Variants in KCNJ6 observed in about 807,000 individuals in gnomAD.
KCNJ6 encodes potassium inwardly rectifying channel subfamily J member 6.
A neutral mutation model predicts 34.2 loss-of-function variants in KCNJ6; 9 were observed. The ratio of observed to expected loss-of-function variants is 0.26; its 90% CI spans 0.16 to 0.46. The LOEUF is 0.46. KCNJ6 is among the 20% of genes least tolerant of loss of function. The probability of loss-of-function intolerance (pLI) is 1.00; values close to 1 mark genes in which losing one functional copy is unlikely to be tolerated. For synonymous variants in KCNJ6, 196 were observed against 207.1 expected, an observed-to-expected ratio of 0.95 and a Z score of 0.46; for missense variants, 236 against 531.3, an observed-to-expected ratio of 0.44 and a Z score of 5.46.
At chr21:37,699,681 G>C (rs569960343) in intron 3 of KCNJ6, among the ~76,000 whole-genome samples, 9 of 152,322 alleles carry the variant, frequency 5.9e-5, no homozygotes, top group African/African-American at 2.2e-4. Context: ...ACTTTAAAAA[G>C]GGGCACAGGG....
intron 2 of KCNJ6, among the ~76,000 whole-genome samples, chr21:37,763,983 G>T (rs1035705735): frequency 6.6e-6 from 1 of 152,108 alleles, no homozygotes; most frequent in African/African-American, 2.4e-5. Context: ...TTTTACCCCT[G>T]ACTCATCTCA....
intron 3 of KCNJ6, among the ~76,000 whole-genome samples, chr21:37,711,882 G>GT (rs1313727341): frequency 1.3e-5 from 2 of 151,954 alleles, no homozygotes; most frequent in Admixed American, 6.6e-5. Flanking sequence ...TGGGGTGAGC[G>GT]TTTGGATTGA....
At chr21:37,827,692 A>G (rs1246390370) in intron 2 of KCNJ6, among the ~76,000 whole-genome samples, 1 of 152,162 alleles carries the variant, frequency 6.6e-6, no homozygotes, top group Non-Finnish European at 1.5e-5. Context: ...AGTGCCTGAT[A>G]TGGGACAGTT....
intron 1 of KCNJ6, among the ~76,000 whole-genome samples, chr21:37,914,037 G>GTC (rs2055881126): frequency 6.6e-6 from 1 of 151,326 alleles, no homozygotes; most frequent in African/African-American, 2.4e-5. Context: ...GTGTGTGTGT[G>GTC]TGTGTGTGTG....
intron 3 of KCNJ6, among the ~76,000 whole-genome samples, chr21:37,666,683 G>T (rs1472409982): frequency 6.6e-6 from 1 of 152,072 alleles, no homozygotes; most frequent in African/African-American, 2.4e-5. Flanking sequence ...AACGGGCCAT[G>T]ATGACGATGG....
intron 2 of KCNJ6, among the ~76,000 whole-genome samples, chr21:37,732,535 G>A (rs2054891158): frequency 6.6e-6 from 1 of 152,200 alleles, no homozygotes; most frequent in Non-Finnish European, 1.5e-5. Flanking sequence ...AAGCTATTTC[G>A]GAAGAACTAG....
intron 2 of KCNJ6, among the ~76,000 whole-genome samples, chr21:37,795,389 AG>A (rs1054773928): frequency 2.6e-5 from 4 of 152,274 alleles, no homozygotes; most frequent in African/African-American, 7.2e-5. Context: ...GCTAACCCTC[AG>A]GCTTCCCTTT....
At chr21:37,721,865 G>T (rs1313098702) in intron 2 of KCNJ6, among the ~76,000 whole-genome samples, 1 of 151,956 alleles carries the variant, frequency 6.6e-6, no homozygotes, top group Non-Finnish European at 1.5e-5. Context: ...CCAAGGTAAT[G>T]GTGAGTATGT....
At chr21:37,777,285 T>C (rs2055146969) in intron 2 of KCNJ6, among the ~76,000 whole-genome samples, 1 of 152,156 alleles carries the variant, frequency 6.6e-6, no homozygotes, top group Non-Finnish European at 1.5e-5. Context: ...TTTGTTAGCA[T>C]GCCTCCCGCA....
intron 2 of KCNJ6, among the ~76,000 whole-genome samples, chr21:37,762,713 G>T (rs535258086): frequency 6.6e-6 from 1 of 152,130 alleles, no homozygotes; most frequent in Non-Finnish European, 1.5e-5. Context: ...GACCTGTGGC[G>T]CTGCGCTGTG....
chr21:37,718,749 G>A (rs956218685), intron 2 of KCNJ6, among the ~76,000 whole-genome samples: 50 of 152,094 alleles, frequency 3.3e-4, no homozygotes, highest in Admixed American at 4.6e-4. Context: ...ACACCAACAT[G>A]GCACATGTAT....
At chr21:37,798,595 G>A (rs1430485521) in intron 2 of KCNJ6, among the ~76,000 whole-genome samples, 1 of 152,190 alleles carries the variant, frequency 6.6e-6, no homozygotes, top group African/African-American at 2.4e-5. Context: ...AGCCATAAAA[G>A]GAATGAAGTA....
chr21:37,655,273 G>A (rs1042163480), intron 3 of KCNJ6, among the ~76,000 whole-genome samples: 2 of 78,042 alleles, frequency 2.6e-5, no homozygotes. Context: ...GAGAGAGAGA[G>A]AGAGAGAGAG....
intron 3 of KCNJ6, among the ~76,000 whole-genome samples, chr21:37,679,092 T>C (rs1002661402): frequency 1.3e-5 from 2 of 152,212 alleles, no homozygotes; most frequent in African/African-American, 2.4e-5. Context: ...AAGCAACTTA[T>C]AGAGATGTCC....
At chr21:37,716,323 A>T (rs1236157647) in intron 2 of KCNJ6, among the ~76,000 whole-genome samples, 1 of 151,520 alleles carries the variant, frequency 6.6e-6, no homozygotes, top group East Asian at 1.9e-4. Context: ...CCTCCTCAAC[A>T]TTCAACATCT....
intron 2 of KCNJ6, among the ~76,000 whole-genome samples, chr21:37,720,898 G>C (rs903057773): frequency 6.6e-6 from 1 of 151,102 alleles, no homozygotes; most frequent in African/African-American, 2.4e-5. Flanking sequence ...TAGTAGAGAC[G>C]GGGTTTCACC....
chr21:37,761,912 C>T (rs1568839175), intron 2 of KCNJ6, among the ~76,000 whole-genome samples: 2 of 152,322 alleles, frequency 1.3e-5, no homozygotes, highest in Admixed American at 6.5e-5. Context: ...ACACTTTCCA[C>T]ACCTTTTGCC....
rs139902230 is a variant in KCNJ6, at chr21:37,796,529, TC to T, written c.25+44128del. Among the ~76,000 whole-genome samples, 1,138 of 152,196 alleles carry T rather than the reference TC, an allele frequency of 7.5e-3. 16 individuals carry two copies. Among genetic ancestry groups the T allele is most frequent in the African/African-American group, 0.026 (1,079 of 41,530 alleles). ...GACTCACTTGTTAGCCTCGGTTTTG[TC>T]CTATTTGCAATCAAGTGCTTGGATG... On this transcript the variant is annotated intron_variant, in intron 2 of 3. Transcript: ENST00000609713.
intron 3 of KCNJ6, among the ~76,000 whole-genome samples, chr21:37,634,140 C>T (rs890861858): frequency 2.0e-5 from 3 of 152,168 alleles, no homozygotes; most frequent in Non-Finnish European, 4.4e-5. Context: ...CTCTCCAAAT[C>T]CCAGGTTGAA....
Sources: gnomAD v4.1 joint callset for allele counts (sites outside exome capture counted in the v4.1 genomes callset) on GRCh38, gnomAD v4.1.1 for gene constraint, MANE v1.5 for transcripts, NCBI Gene and HGNC (gene_info 2026-07-23, HGNC 2026-07-21) for gene names.